The following MAP4K4 variants were observed in gnomAD, a reference collection of about 807,000 sequenced individuals.
MAP4K4 encodes HPK/GCK-like kinase HGK.
Under a neutral mutation model 189.6 loss-of-function variants are expected in MAP4K4, and 38 were observed. That is an observed-to-expected ratio of 0.20 (90% CI 0.15 to 0.26). The LOEUF is 0.26. Among genes scored for constraint, MAP4K4 ranks in the 10% least tolerant of loss-of-function variants. The probability of loss-of-function intolerance (pLI) is 1.00; values close to 1 mark genes in which losing one functional copy is unlikely to be tolerated. For synonymous variants in MAP4K4, 610 were observed against 624.3 expected (o/e 0.98, Z 0.34); for missense variants, 1,054 against 1,726.9 (o/e 0.61, Z 6.91).
In MAP4K4 at chr2:101,812,866, G is replaced by A. The variant is rs556202740; in HGVS notation, c.181-11062G>A. Reference sequence around the variant, plus strand: ...ACGTTGGCCAGGCGTGGTGGCTCACGCCTGTAATCCCAGCACTTTGGGAGG... The same window carrying A: ...ACGTTGGCCAGGCGTGGTGGCTCACACCTGTAATCCCAGCACTTTGGGAGG... On this transcript the variant is annotated intron_variant, in intron 3 of 32. Transcript: ENST00000324219. Among the ~76,000 whole-genome samples the A allele has an allele frequency of 5.3e-5, 8 of 152,250 alleles. No individual in the cohort carries two copies. In the South Asian group the frequency reaches 1.2e-3, roughly 24 times the overall value.
At chr2:101,757,958 G>A (rs1575006005) in intron 2 of MAP4K4, among the ~76,000 whole-genome samples, 1 of 152,338 alleles carries the variant, frequency 6.6e-6, no homozygotes, top group East Asian at 1.9e-4. Flanking sequence ...CTGGGAGATG[G>A]AGGTTGCAGT....
intron 2 of MAP4K4, among the ~76,000 whole-genome samples, chr2:101,786,178 A>C (rs770715372): frequency 5.3e-5 from 8 of 151,946 alleles, no homozygotes; most frequent in Non-Finnish European, 1.2e-4. Context: ...TGTTTCTTCT[A>C]CCTCTAGGCT....
rs115586055 is a variant in MAP4K4 at position 101,708,236 on chromosome 2, C to T, written c.123+9698C>T. On this transcript the variant is annotated intron_variant, in intron 2 of 32. Transcript: ENST00000324219. ...TTAATAACTCATGTGATCAGTCCAC[C>T]ATGTTTAACCAAAAGTTGTGTCTTT... is the stretch of plus-strand genomic sequence containing the variant. 4.5e-4 allele frequency among the ~76,000 whole-genome samples: 69 copies of T among 152,254 alleles called. 1 individual carries two copies. Among genetic ancestry groups the T allele is most frequent in the Non-Finnish European group, 7.2e-4 (49 of 68,026 alleles).
intron 12 of MAP4K4, among the ~76,000 whole-genome samples, chr2:101,848,243 C>A (rs1042181516): frequency 1.3e-5 from 2 of 152,162 alleles, no homozygotes; most frequent in Non-Finnish European, 2.9e-5. Context: ...CATGCAAATA[C>A]CTGTTACACT....
chr2:101,737,078 AAC>A (rs1243849060), intron 2 of MAP4K4, among the ~76,000 whole-genome samples: 2 of 152,278 alleles, frequency 1.3e-5, no homozygotes, highest in South Asian at 2.1e-4. Context: ...AAAACCATGA[AAC>A]ACAGATGATA....
intron 27 of MAP4K4, among the ~76,000 whole-genome samples, chr2:101,880,097 A>G (rs2098339632): frequency 6.6e-6 from 1 of 152,042 alleles, no homozygotes; most frequent in African/African-American, 2.4e-5. Flanking sequence ...TAAGTTTCTG[A>G]TGAGATATGT....
chr2:101,859,117 AG>A, intron 14 of MAP4K4, 35 bp downstream of exon 14: 1 of 1,573,398 alleles, frequency 6.4e-7, no homozygotes, highest in East Asian at 2.3e-5. Flanking sequence ...CTGTAGCATC[AG>A]GGCTCCTTCA....
At chr2:101,882,359 G>A (rs1196738796) in intron 27 of MAP4K4, among the ~76,000 whole-genome samples, 192 bp from the exon 28 acceptor site, 3 of 152,116 alleles carry the variant, frequency 2.0e-5, no homozygotes, top group Admixed American at 6.5e-5. Flanking sequence ...ATTTATAGGA[G>A]TTTTTTTACA....
At chr2:101,712,809 G>A (rs2046342293) in intron 2 of MAP4K4, among the ~76,000 whole-genome samples, 1 of 149,484 alleles carries the variant, frequency 6.7e-6, no homozygotes, top group Non-Finnish European at 1.5e-5. Flanking sequence ...AAATTTGTTT[G>A]TTGAGGAATA....
chr2:101,870,457 G>A, intron 23 of MAP4K4, 42 bp downstream of exon 23: 2 of 1,609,232 alleles, frequency 1.2e-6, no homozygotes, highest in Non-Finnish European at 1.7e-6. Context: ...AGCTTCTCCT[G>A]TGGTCATTAA....
chr2:101,832,710 G>A (rs1576435079), intron 7 of MAP4K4, among the ~76,000 whole-genome samples: 2 of 152,086 alleles, frequency 1.3e-5, no homozygotes, highest in East Asian at 1.9e-4. Context: ...ATACAAAGTT[G>A]GTAATTAGAC....
intron 2 of MAP4K4, among the ~76,000 whole-genome samples, chr2:101,764,021 C>A (rs1290350871): frequency 6.6e-6 from 1 of 151,982 alleles, no homozygotes; most frequent in African/African-American, 2.4e-5. Flanking sequence ...ATTTTTTCAT[C>A]TTTGTCACGT....
At position 101,719,854 on chromosome 2, in the gene MAP4K4, A is replaced by G. The variant is rs1434551027; in HGVS notation, c.123+21316A>G. Among the ~76,000 whole-genome samples, 4 of 151,944 alleles carry G rather than the reference A, an allele frequency of 2.6e-5. No individual in the cohort carries two copies. The East Asian group carries it at 7.8e-4, about 30-fold the overall frequency. ...TGGTGAAACCCCGTCTCTACTAAAA[A>G]TACAAAAATTAGCCGGGCGTGGTGG... On this transcript the variant is annotated intron_variant, in intron 2 of 32. Coordinates refer to ENST00000324219, the Ensembl canonical transcript of MAP4K4.
chr2:101,747,945 C>T (rs1232468039), intron 2 of MAP4K4, among the ~76,000 whole-genome samples: 1 of 152,138 alleles, frequency 6.6e-6, no homozygotes, highest in Non-Finnish European at 1.5e-5. Flanking sequence ...GAACTGGTGT[C>T]GTGATGAATG....
At chr2:101,857,172 A>G (rs2149794333) in intron 13 of MAP4K4, among the ~76,000 whole-genome samples, 1 of 152,352 alleles carries the variant, frequency 6.6e-6, no homozygotes, top group African/African-American at 2.4e-5. Flanking sequence ...GTGTGATGGT[A>G]GCAATTCATC....
chr2:101,861,983 C>T (rs182207373), intron 16 of MAP4K4: 2 of 151,238 alleles, frequency 1.3e-5, no homozygotes, highest in African/African-American at 4.9e-5. Context: ...GCCTGAAATC[C>T]CAGCACTTTG....
chr2:101,700,675 A>T (rs949260495), intron 2 of MAP4K4, among the ~76,000 whole-genome samples: 3 of 152,158 alleles, frequency 2.0e-5, no homozygotes, highest in African/African-American at 4.8e-5. Flanking sequence ...TAAATACTTT[A>T]GAATGTTTCT....
At chr2:101,718,102 C>A (rs529641589) in intron 2 of MAP4K4, among the ~76,000 whole-genome samples, 17 of 152,084 alleles carry the variant, frequency 1.1e-4, no homozygotes, top group Admixed American at 9.2e-4. Context: ...ACTAAAAATA[C>A]AAAATTAGCC....
At chr2:101,789,884 G>T (rs957305341) in intron 2 of MAP4K4, among the ~76,000 whole-genome samples, 1 of 152,064 alleles carries the variant, frequency 6.6e-6, no homozygotes, top group Non-Finnish European at 1.5e-5. Flanking sequence ...TATCAAGTAT[G>T]TCTGGTATCT....
Sources: gnomAD v4.1 joint callset for allele counts (sites outside exome capture counted in the v4.1 genomes callset) on GRCh38, gnomAD v4.1.1 for gene constraint, MANE v1.5 for transcripts, NCBI Gene and HGNC (gene_info 2026-07-23, HGNC 2026-07-21) for gene names.